Variants in RFTN2 observed in about 807,000 individuals in gnomAD.
RFTN2 encodes raftlin family member 2, also known as raftlin-2.
Under a neutral mutation model 52.7 loss-of-function variants are expected in RFTN2, and 34 were observed. The observed-to-expected ratio is 0.64, with a 90% CI of 0.49 to 0.86. The LOEUF is 0.86. RFTN2 is among the 40% of genes least tolerant of loss of function. RFTN2 has a pLI of 0.00. For missense variants in RFTN2, 536 were observed against 600.1 expected, an observed-to-expected ratio of 0.89 and a Z score of 1.12; for synonymous variants, 203 against 217.7, an observed-to-expected ratio of 0.93 and a Z score of 0.59.
chr2:197,586,398 T>G (rs2087599167), intron 8 of RFTN2, among the ~76,000 whole-genome samples: 1 of 152,200 alleles, frequency 6.6e-6, no homozygotes, highest in South Asian at 2.1e-4. Flanking sequence ...AGACACTTCT[T>G]TCAGCACTCC....
At position 197,590,634 on chromosome 2, in the gene RFTN2, G is replaced by A. The variant is rs144249934; in HGVS notation, c.1233+5357C>T. On this transcript the variant is annotated intron_variant, in intron 8 of 8. Coordinates refer to ENST00000295049, the MANE Select transcript of RFTN2 (RefSeq NM_144629.3). Reference sequence around the variant, plus strand: ...GAGTGTTATGGTTCTTAAAGGCGGCGTGTCCGGAGTTTGCTCCTTCTGGTG... The same window carrying A: ...GAGTGTTATGGTTCTTAAAGGCGGCATGTCCGGAGTTTGCTCCTTCTGGTG... 4.0e-3 allele frequency among the ~76,000 whole-genome samples: 611 copies of A among 152,266 alleles called. 8 individuals carry two copies. The highest frequency in any genetic ancestry group is 0.013 in the African/African-American group (560 of 41,552).
intron 5 of RFTN2, among the ~76,000 whole-genome samples, chr2:197,624,320 C>T (rs1033101104): frequency 2.0e-4 from 31 of 152,146 alleles, no homozygotes; most frequent in African/African-American, 7.0e-4. Flanking sequence ...AAAGAGCTGG[C>T]GTGGCGCGGT....
chr2:197,620,156 C>A (rs543344876), intron 5 of RFTN2, among the ~76,000 whole-genome samples: 2 of 151,560 alleles, frequency 1.3e-5, no homozygotes, highest in African/African-American at 4.8e-5. Flanking sequence ...AAGACCTAAA[C>A]ACAGAACAAT....
chr2:197,630,866 A>AT (rs1221565430), intron 5 of RFTN2, 145 bp downstream of exon 5: 1 of 645,144 alleles, frequency 1.6e-6, no homozygotes, highest in African/African-American at 1.8e-5. Context: ...TTAAAGCTAC[A>AT]TATCTGTGTA....
At chr2:197,668,630 G>A (rs569853128) in intron 1 of RFTN2, among the ~76,000 whole-genome samples, 91 of 152,264 alleles carry the variant, frequency 6.0e-4, no homozygotes, top group African/African-American at 2.1e-3. Context: ...GCATGCAGTC[G>A]CTTGTGCCTC....
At chr2:197,603,211 A>G (rs560422509) in intron 7 of RFTN2, among the ~76,000 whole-genome samples, 4 of 152,280 alleles carry the variant, frequency 2.6e-5, no homozygotes, top group African/African-American at 7.2e-5. Context: ...AAAGTATAAT[A>G]ATAAAAAAAG....
At chr2:197,603,363 A>G (rs2087909498) in intron 7 of RFTN2, among the ~76,000 whole-genome samples, 1 of 152,248 alleles carries the variant, frequency 6.6e-6, no homozygotes, top group Admixed American at 6.5e-5. Context: ...AATTAAAGAC[A>G]TCATAGAGTA....
chr2:197,657,134 G>A (rs1476321170), intron 1 of RFTN2, among the ~76,000 whole-genome samples: 1 of 152,074 alleles, frequency 6.6e-6, no homozygotes, highest in African/African-American at 2.4e-5. Context: ...AAAGGGCTGG[G>A]GTTACAGGCA....
At chr2:197,658,342 C>T (rs985928680) in intron 1 of RFTN2, among the ~76,000 whole-genome samples, 1 of 152,108 alleles carries the variant, frequency 6.6e-6, no homozygotes, top group Admixed American at 6.5e-5. Flanking sequence ...GCCATCTTGA[C>T]TCACCGCAGT....
intron 4 of RFTN2, among the ~76,000 whole-genome samples, 166 bp from the exon 5 acceptor site, chr2:197,631,386 T>C (rs546659201): frequency 6.6e-6 from 1 of 152,318 alleles, no homozygotes; most frequent in East Asian, 1.9e-4. Flanking sequence ...TTCAAAGAAA[T>C]GAGAAATGGA....
intron 8 of RFTN2, among the ~76,000 whole-genome samples, chr2:197,577,237 T>A (rs766075919): frequency 1.7e-4 from 26 of 152,250 alleles, no homozygotes; most frequent in Non-Finnish European, 7.3e-5. Flanking sequence ...GTCATGGGAA[T>A]GTGTCCTTAA....
At position 197,675,420 on chromosome 2, in the gene RFTN2, A is replaced by G. The variant is rs2089202779; in HGVS notation, c.39T>C (p.Asp13=). ...TAGAAAATATTTTTCCAGGGCTGCTATCATCAGGGTCTTCTAGCTTTCTAA... is the reference window on the plus strand; with the variant it reads ...TAGAAAATATTTTTCCAGGGCTGCTGTCATCAGGGTCTTCTAGCTTTCTAA... The part of the protein sequence containing the change: ...CGLRKLEDPD[D]SSPGKIFSTL... Residue 13 remains aspartate, a synonymous_variant, in exon 1 of 9, where the codon GAT becomes GAC. Coordinates refer to ENST00000295049, the MANE Select transcript of RFTN2 (RefSeq NM_144629.3). 3 of 1,602,950 alleles carry G rather than the reference A, an allele frequency of 1.9e-6. No individual in the cohort carries two copies. The highest frequency in any genetic ancestry group is 1.7e-6 in the Non-Finnish European group (2 of 1,174,788).
intron 7 of RFTN2, among the ~76,000 whole-genome samples, chr2:197,597,643 C>T (rs1375031193): frequency 1.3e-5 from 2 of 152,010 alleles, no homozygotes; most frequent in Non-Finnish European, 2.9e-5. Flanking sequence ...CTCAGCCTTC[C>T]GAGTAGCTGG....
intron 1 of RFTN2, among the ~76,000 whole-genome samples, chr2:197,656,298 T>A (rs1381134081): frequency 3.9e-5 from 6 of 152,164 alleles, no homozygotes; most frequent in Non-Finnish European, 7.3e-5. Context: ...TGTAATGAGG[T>A]CCTCTTATGT....
At chr2:197,618,045 T>G in intron 5 of RFTN2, 124 bp from the exon 6 acceptor site, 8 of 615,940 alleles carry the variant, frequency 1.3e-5, no homozygotes, top group Non-Finnish European at 1.7e-5. Context: ...AAAACATTTG[T>G]TGCCCCCTCC....
Position 197,645,551 on chromosome 2 carries a change from G to A in RFTN2, c.323+932C>T, listed in dbSNP as rs572024721. ...GGAAAGAACAACAGTATTTTACCATGAAAACTATCAAATTTACAATCTAGG... is the reference window on the plus strand; with the variant it reads ...GGAAAGAACAACAGTATTTTACCATAAAAACTATCAAATTTACAATCTAGG... On this transcript the variant is annotated intron_variant, in intron 2 of 8. Coordinates refer to ENST00000295049, the MANE Select transcript of RFTN2 (RefSeq NM_144629.3). 3.1e-4 allele frequency among the ~76,000 whole-genome samples: 47 copies of A among 152,280 alleles called. No individual in the cohort carries two copies. The South Asian group carries it at 9.5e-3, about 31-fold the overall frequency.
intron 1 of RFTN2, among the ~76,000 whole-genome samples, chr2:197,669,790 C>A (rs7600862): frequency 6.6e-6 from 1 of 151,926 alleles, no homozygotes; most frequent in Middle Eastern, 3.2e-3. Context: ...AGCCTGGGGG[C>A]TGGGGACCCC....
intron 5 of RFTN2, among the ~76,000 whole-genome samples, chr2:197,629,726 A>T (rs1049625065): frequency 2.7e-5 from 4 of 146,760 alleles, no homozygotes; most frequent in African/African-American, 1.0e-4. Context: ...ATTTTATTTT[A>T]TTTTATTTTT....
intron 5 of RFTN2, among the ~76,000 whole-genome samples, chr2:197,621,717 T>C (rs1574715336): frequency 6.6e-6 from 1 of 152,186 alleles, no homozygotes; most frequent in East Asian, 1.9e-4. Context: ...TCTCTCCCTC[T>C]TCTCGAGGCC....
Sources: gnomAD v4.1 joint callset for allele counts (sites outside exome capture counted in the v4.1 genomes callset) on GRCh38, gnomAD v4.1.1 for gene constraint, MANE v1.5 for transcripts, NCBI Gene and HGNC (gene_info 2026-07-23, HGNC 2026-07-21) for gene names.